DLAT: variants seen among roughly 807,000 people sequenced by gnomAD.
DLAT encodes the protein dihydrolipoamide S-acetyltransferase.
A neutral mutation model predicts 68.0 loss-of-function variants in DLAT; 43 were observed. That is an observed-to-expected ratio of 0.63 (90% CI 0.50 to 0.81). DLAT has a LOEUF of 0.81. DLAT is among the 40% of genes least tolerant of loss of function. DLAT has a pLI of 0.00. For missense variants in DLAT, 745 were observed against 815.4 expected (o/e 0.91, Z 1.05); for synonymous variants, 265 against 288.6 (o/e 0.92, Z 0.83).
intron 2 of DLAT, among the ~76,000 whole-genome samples, chr11:112,027,333 C>T (rs1862109276): frequency 6.8e-6 from 1 of 146,924 alleles, no homozygotes; most frequent in South Asian, 2.1e-4. Flanking sequence ...CCCCACATCT[C>T]AGACGATGGG....
rs781907058 is a variant in DLAT, at chr11:112,064,250, C to G, written c.*1715C>G. Reference sequence around the variant, plus strand: ...GAAAAAAAATAAAAACAGTTGCCTTCTAATAAACATTGTTGAGTTAAAAAT... The same window carrying G: ...GAAAAAAAATAAAAACAGTTGCCTTGTAATAAACATTGTTGAGTTAAAAAT... On this transcript the variant is annotated 3_prime_UTR_variant, in exon 14 of 14. Transcript: ENST00000280346. 1 of 1,530,962 alleles carries G rather than the reference C, an allele frequency of 6.5e-7. No individual in the cohort carries two copies. Among genetic ancestry groups the G allele is most frequent in the African/African-American group, 1.4e-5 (1 of 72,852 alleles). The allele number at this position is 1,530,962 out of a possible 1,614,324, so 94.8% of individuals were successfully genotyped here.
intron 8 of DLAT, among the ~76,000 whole-genome samples, chr11:112,044,331 A>G (rs991161177): frequency 3.3e-5 from 5 of 152,084 alleles, no homozygotes; most frequent in African/African-American, 1.2e-4. Flanking sequence ...GGTGGCTGGG[A>G]CTACAGGTGC....
At position 112,051,113 on chromosome 11, in the gene DLAT, A is replaced by T; in HGVS notation, c.1399-121A>T. On this transcript the variant is annotated intron_variant, in intron 10 of 13. Transcript: ENST00000280346. This position sits in a 1 kb window ranked among gnomAD's most constrained non-coding sequence, Gnocchi z 4.3. ...GGGTGATGGGTTGACAGGTGCAGCA[A>T]ACCACCATGGCACATGTTTACCTAT... is the stretch of plus-strand genomic sequence containing the variant. 1.5e-6 allele frequency: 1 copy of T among 678,580 alleles called. No homozygotes were observed. Among genetic ancestry groups the T allele is most frequent in the South Asian group, 1.8e-5 (1 of 54,652 alleles). 42.0% of individuals were successfully genotyped at this position (678,580 alleles called of 1,614,324 possible).
rs1259935557 is a variant in DLAT, at chr11:112,051,433, G to GA, written c.1514+87dup. 26 of 986,910 alleles carry GA rather than the reference G, an allele frequency of 2.6e-5. No homozygotes were observed. The highest frequency in any genetic ancestry group is 4.0e-5 in the Non-Finnish European group (25 of 624,342). 61.1% of individuals were successfully genotyped at this position (986,910 alleles called of 1,614,324 possible). Reference sequence around the variant, plus strand: ...GTGAGTGGAGTTGAGGGGATAAGGAGAAATGGAATACAGAGAGGCAGATGA... The same window carrying GA: ...GTGAGTGGAGTTGAGGGGATAAGGAGAAAATGGAATACAGAGAGGCAGATGA... On this transcript the variant is annotated intron_variant, in intron 11 of 13. Coordinates refer to ENST00000280346, the MANE Select transcript of DLAT (RefSeq NM_001931.5). The surrounding 1 kb of genome is among the most constrained non-coding windows in gnomAD (Gnocchi z 4.3).
At chr11:112,052,862 T>G (rs1295876548) in intron 11 of DLAT, among the ~76,000 whole-genome samples, 1 of 152,060 alleles carries the variant, frequency 6.6e-6, no homozygotes, top group Non-Finnish European at 1.5e-5. Flanking sequence ...CCGAGGTTAC[T>G]TAGGGATCCC....
intron 11 of DLAT, among the ~76,000 whole-genome samples, chr11:112,057,009 A>G (rs1465184410): frequency 6.6e-6 from 1 of 152,174 alleles, no homozygotes; most frequent in Non-Finnish European, 1.5e-5. Flanking sequence ...TCTGTGTCAC[A>G]TTTTGGCAAT....
At chr11:112,053,741 C>T (rs1863810398) in intron 11 of DLAT, among the ~76,000 whole-genome samples, 2 of 152,154 alleles carry the variant, frequency 1.3e-5, no homozygotes, top group African/African-American at 2.4e-5. Context: ...GTGTGAGCTA[C>T]CACGCCCAGC....
Position 112,064,209 on chromosome 11 carries a change from G to A in DLAT, c.*1674G>A. On this transcript the variant is annotated 3_prime_UTR_variant, in exon 14 of 14. Coordinates refer to ENST00000280346, the MANE Select transcript of DLAT (RefSeq NM_001931.5). The stretch of plus-strand genomic sequence containing the variant: ...AATTCATCTTTCGCTAATGCTTGTG[G>A]TTCTGTTGTTCCCTTGAAAAAAAAT... The A allele has an allele frequency of 6.4e-7, 1 of 1,565,818 alleles. No homozygotes were observed. Among genetic ancestry groups the A allele is most frequent in the Non-Finnish European group, 8.6e-7 (1 of 1,157,014 alleles).
chr11:112,035,491 C>CT (rs1284403047), intron 5 of DLAT, among the ~76,000 whole-genome samples: 2,101 of 143,664 alleles, frequency 0.015, 64 homozygotes, highest in African/African-American at 0.037. Context: ...TTAAACACTT[C>CT]TTTTTTTTTT....
rs1268211757 is a variant in DLAT, at chr11:112,062,814, C to T, written c.*279C>T. 1 of 394,938 alleles carries T rather than the reference C, an allele frequency of 2.5e-6. No homozygotes were observed. Among genetic ancestry groups the T allele is most frequent in the Non-Finnish European group, 4.8e-6 (1 of 209,486 alleles). 24.5% of individuals were successfully genotyped at this position (394,938 alleles called of 1,614,324 possible). On this transcript the variant is annotated 3_prime_UTR_variant, in exon 14 of 14. Coordinates refer to ENST00000280346, the MANE Select transcript of DLAT (RefSeq NM_001931.5). ...TTGCCTAGCCCTTTGGTGATAAGTA[C>T]TTCCTCTAGGAAATGTACGATAGGT... is the stretch of plus-strand genomic sequence containing the variant.
chr11:112,044,346 C>T (rs1331271712), intron 8 of DLAT, among the ~76,000 whole-genome samples: 3 of 152,224 alleles, frequency 2.0e-5, no homozygotes, highest in Middle Eastern at 3.4e-3. Context: ...AGGTGCATGC[C>T]ATCACACCTG....
chr11:112,062,807 A>G lies in DLAT; in HGVS notation c.*272A>G, dbSNP rs1864718471. 1 of 407,342 alleles carries G rather than the reference A, an allele frequency of 2.5e-6. No individual in the cohort carries two copies. Among genetic ancestry groups the G allele is most frequent in the South Asian group, 2.2e-5 (1 of 44,958 alleles). The allele number at this position is 407,342 out of a possible 1,614,324, so 25.2% of individuals were successfully genotyped here. On this transcript the variant is annotated 3_prime_UTR_variant, in exon 14 of 14. Transcript: ENST00000280346. ...TGTGGCCTTGCCTAGCCCTTTGGTG[A>G]TAAGTACTTCCTCTAGGAAATGTAC... is the stretch of plus-strand genomic sequence containing the variant.
At position 112,063,855 on chromosome 11, in the gene DLAT, G is replaced by A. The variant is rs1380353065; in HGVS notation, c.*1320G>A. On this transcript the variant is annotated 3_prime_UTR_variant, in exon 14 of 14. Coordinates refer to ENST00000280346, the MANE Select transcript of DLAT (RefSeq NM_001931.5). ...TTAATATTTATGTGTTTTAATAAAC[G>A]TTTGAAATTATTTATGACTACTTAA... The A allele has an allele frequency of 2.0e-5, 4 of 203,524 alleles. No homozygotes were observed. The highest frequency in any genetic ancestry group is 3.9e-5 in the Non-Finnish European group (4 of 102,386). The allele number at this position is 203,524 out of a possible 1,614,324, so 12.6% of individuals were successfully genotyped here.
intron 11 of DLAT, among the ~76,000 whole-genome samples, chr11:112,059,182 A>G (rs1209941847): frequency 6.6e-6 from 1 of 152,098 alleles, no homozygotes; most frequent in African/African-American, 2.4e-5. Context: ...CATCTGCTCA[A>G]ACTACTTGCA....
chr11:112,045,065 C>T (rs1863234816), intron 8 of DLAT, 73 bp from the exon 9 acceptor site: 2 of 1,144,654 alleles, frequency 1.7e-6, no homozygotes, highest in Non-Finnish European at 2.6e-6. Flanking sequence ...TGCATAGTCA[C>T]TGGCAGTCTT....
intron 4 of DLAT, 94 bp downstream of exon 4, chr11:112,029,039 A>C (rs880003698): frequency 7.0e-7 from 1 of 1,421,232 alleles, no homozygotes; most frequent in South Asian, 1.2e-5. Flanking sequence ...ACTGACATTA[A>C]ATGTGGTTAG....
rs782113233 is a variant in DLAT, at chr11:112,059,905, AT to A, written c.1518del (p.His507MetfsTer25). The A allele has an allele frequency of 6.2e-7, 1 of 1,603,054 alleles. No homozygotes were observed. The highest frequency in any genetic ancestry group is 1.7e-5 in the Admixed American group (1 of 59,232). On this transcript the variant is annotated frameshift_variant, in exon 12 of 14. Coordinates refer to ENST00000280346, the MANE Select transcript of DLAT (RefSeq NM_001931.5). LOFTEE classifies it high-confidence loss of function. The part of the protein sequence containing the change: ...SSWMDTVIRQ[N>X]HVVDVSVAVS... Reference sequence around the variant, plus strand: ...TATTTATTTTTCTTTTTAAACAGAAATCATGTTGTTGATGTCAGTGTTGCGG... The same window carrying A: ...TATTTATTTTTCTTTTTAAACAGAAACATGTTGTTGATGTCAGTGTTGCGG...
intron 2 of DLAT, among the ~76,000 whole-genome samples, chr11:112,027,506 G>T (rs1225200625): frequency 6.6e-6 from 1 of 151,962 alleles, no homozygotes; most frequent in African/African-American, 2.4e-5. Context: ...GTGGCAGCCG[G>T]GCAGAGGCTG....
At chr11:112,048,564 C>T (rs2137807290) in intron 10 of DLAT, among the ~76,000 whole-genome samples, 1 of 152,294 alleles carries the variant, frequency 6.6e-6, no homozygotes, top group South Asian at 2.1e-4. Context: ...GACTGAGTCT[C>T]ACTCTGTTGC....
Sources: allele counts gnomAD v4.1 joint callset (sites outside exome capture counted in the v4.1 genomes callset), GRCh38; gene constraint gnomAD v4.1.1; non-coding constraint Gnocchi (gnomAD v3.1); transcripts MANE v1.5; gene names NCBI Gene and HGNC (gene_info 2026-07-23, HGNC 2026-07-21).